The following KSR1 variants were observed in gnomAD, a reference collection of about 807,000 sequenced individuals.
KSR1 encodes kinase suppressor of ras.
A neutral mutation model predicts 92.9 loss-of-function variants in KSR1; 35 were observed. The observed-to-expected ratio is 0.38, with a 90% CI of 0.29 to 0.50. The LOEUF (loss-of-function observed/expected upper bound fraction) is 0.50, where lower values mean the gene tolerates loss of function less well. Among genes scored for constraint, KSR1 ranks in the 20% least tolerant of loss-of-function variants. The pLI, the probability that KSR1 is intolerant of heterozygous loss-of-function variation, is 0.94. For synonymous variants in KSR1, 467 were observed against 472.6 expected (o/e 0.99, Z 0.15); for missense variants, 972 against 1,158.5 (o/e 0.84, Z 2.34).
At chr17:27,545,045 A>G (rs1430670483) in intron 1 of KSR1, among the ~76,000 whole-genome samples, 2 of 152,222 alleles carry the variant, frequency 1.3e-5, no homozygotes, top group African/African-American at 2.4e-5. Flanking sequence ...CAGACCTGCC[A>G]GTAGCTGGGT....
intron 4 of KSR1, 49 bp from the exon 5 acceptor site, chr17:27,585,608 G>A (rs778410200): frequency 1.6e-5 from 12 of 743,348 alleles, no homozygotes; most frequent in African/African-American, 3.4e-5. Flanking sequence ...GGAACACGCC[G>A]AGCCAGCGTG....
At chr17:27,622,025 G>T in intron 20 of KSR1, 1 of 1,214,856 alleles carries the variant, frequency 8.2e-7, no homozygotes. Context: ...AATGAGATGC[G>T]GGCACTAACC....
chr17:27,563,820 G>A (rs1350840864), intron 2 of KSR1, among the ~76,000 whole-genome samples: 1 of 152,032 alleles, frequency 6.6e-6, no homozygotes, highest in Non-Finnish European at 1.5e-5. Context: ...CTCTGACCGG[G>A]ACTTAGAGGT....
rs2072837716 is a variant in KSR1 at position 27,583,115 on chromosome 17, CCTT to C, written c.980+13_980+15del. On this transcript the variant is annotated intron_variant, in intron 4 of 20. Transcript: ENST00000644974. ...ACGTCTCCTCGATGAGGTGAGTGCT[CCTT>C]CTGGGCAGCTACCAAAAGTGCCCTC... 6.7e-7 allele frequency: 1 copy of C among 1,503,706 alleles called. No individual in the cohort carries two copies. The highest frequency in any genetic ancestry group is 2.3e-5 in the Admixed American group (1 of 44,070). The allele number at this position is 1,503,706 out of a possible 1,614,324, so 93.1% of individuals were successfully genotyped here.
chr17:27,469,673 TAGA>T (rs1189877061), intron 1 of KSR1, among the ~76,000 whole-genome samples: 3 of 152,146 alleles, frequency 2.0e-5, no homozygotes, highest in Non-Finnish European at 4.4e-5. Context: ...GCCTGGTACT[TAGA>T]AGGAGTTCAG....
At chr17:27,493,708 C>A (rs899366900) in intron 1 of KSR1, among the ~76,000 whole-genome samples, 8 of 152,102 alleles carry the variant, frequency 5.3e-5, no homozygotes, top group African/African-American at 1.9e-4. Context: ...ATGAAAAAGC[C>A]CAGCCCTAAA....
intron 18 of KSR1, 142 bp from the exon 19 acceptor site, chr17:27,617,153 C>A: frequency 1.2e-6 from 1 of 844,564 alleles, no homozygotes; most frequent in Non-Finnish European, 1.7e-6. Flanking sequence ...CTTCTCACCC[C>A]TTCATGTCGG....
In KSR1 at chr17:27,526,851, G is replaced by GT. The variant is rs905798840; in HGVS notation, c.232-23716dup. ...TCCTCCGGGGGGAGGGGTGGAAGGAGTGCTCTGCAGGAAGTAGAGCTGCTC... is the reference window on the plus strand; with the variant it reads ...TCCTCCGGGGGGAGGGGTGGAAGGAGTTGCTCTGCAGGAAGTAGAGCTGCTC... On this transcript the variant is annotated intron_variant, in intron 1 of 20. Transcript: ENST00000644974. 1.4e-4 allele frequency: 99 copies of GT among 702,038 alleles called. No homozygotes were observed. In the African/African-American group the frequency reaches 1.6e-3, roughly 12 times the overall value. 43.5% of individuals were successfully genotyped at this position (702,038 alleles called of 1,614,324 possible).
At chr17:27,617,071 G>A (rs2074082649) in intron 18 of KSR1, among the ~76,000 whole-genome samples, 1 of 152,146 alleles carries the variant, frequency 6.6e-6, no homozygotes, top group Non-Finnish European at 1.5e-5. Context: ...GATCTAAGAA[G>A]GAAGGAGGTG....
Position 27,456,479 on chromosome 17 carries a change from T to C in KSR1, c.-165T>C, listed in dbSNP as rs2019162609. The C allele has an allele frequency of 5.4e-6, 2 of 371,794 alleles. No homozygotes were observed. The highest frequency in any genetic ancestry group is 9.4e-6 in the Non-Finnish European group (2 of 212,268). 23.0% of individuals were successfully genotyped at this position (371,794 alleles called of 1,614,324 possible). A position where few individuals can be genotyped will look rare whatever the true frequency, so the allele number is the denominator to read the frequency against. ...GCGGCTTTCGCTTTGCTGCCGCGGCTGGGAGGGTGGAAGCGGCAGACTCAG... is the reference window on the plus strand; with the variant it reads ...GCGGCTTTCGCTTTGCTGCCGCGGCCGGGAGGGTGGAAGCGGCAGACTCAG... On this transcript the variant is annotated 5_prime_UTR_variant, in exon 1 of 21. Transcript: ENST00000644974.
chr17:27,513,560 A>C (rs1337730909), intron 1 of KSR1, among the ~76,000 whole-genome samples: 1 of 152,198 alleles, frequency 6.6e-6, no homozygotes, highest in Admixed American at 6.5e-5. Flanking sequence ...TCTTCATATT[A>C]ACCTTGTAAG....
intron 2 of KSR1, among the ~76,000 whole-genome samples, chr17:27,568,387 C>A (rs766678731): frequency 1.3e-5 from 2 of 152,240 alleles, no homozygotes; most frequent in Non-Finnish European, 2.9e-5. Context: ...GCTTCTGGCC[C>A]CACAAGGGAC....
intron 1 of KSR1, among the ~76,000 whole-genome samples, chr17:27,465,783 T>C (rs796674683): frequency 1.3e-4 from 20 of 152,270 alleles, no homozygotes; most frequent in African/African-American, 4.3e-4. Flanking sequence ...TCCCAATTTA[T>C]CCAATTAATT....
intron 1 of KSR1, among the ~76,000 whole-genome samples, chr17:27,543,105 C>G (rs1363496757): frequency 1.3e-5 from 2 of 152,212 alleles, no homozygotes; most frequent in African/African-American, 4.8e-5. Flanking sequence ...CTGGCCTGTC[C>G]CTGTCCACAC....
intron 1 of KSR1, among the ~76,000 whole-genome samples, chr17:27,496,879 GTCC>G (rs1329452503): frequency 1.3e-5 from 2 of 152,216 alleles, no homozygotes; most frequent in East Asian, 3.9e-4. Context: ...GCCCTGCCGT[GTCC>G]TCCTCTGAGA....
intron 3 of KSR1, chr17:27,579,923 A>ATGG (rs2072681221): frequency 7.7e-6 from 1 of 129,786 alleles, no homozygotes. Context: ...TGAGTGAAGG[A>ATGG]TGGTTGTCTG....
intron 1 of KSR1, among the ~76,000 whole-genome samples, chr17:27,521,872 G>C (rs1401952870): frequency 2.6e-5 from 4 of 152,210 alleles, no homozygotes; most frequent in African/African-American, 9.6e-5. Flanking sequence ...TTATGATGTT[G>C]ATGATAAAAA....
rs371628581 is a variant in KSR1 at position 27,592,356 on chromosome 17, A to G, written c.1131-5A>G. 11 of 1,613,338 alleles carry G rather than the reference A, an allele frequency of 6.8e-6. No homozygotes were observed. Among genetic ancestry groups the G allele is most frequent in the Non-Finnish European group, 9.3e-6 (11 of 1,179,558 alleles). On this transcript the variant is annotated splice_region_variant and splice_polypyrimidine_tract_variant and intron_variant, in intron 7 of 20. Transcript: ENST00000644974. ...TTTGCACACCAACCTCCCCTTCTTT[A>G]CCAGGTTGAAGTGTCACAACAAATG...
intron 1 of KSR1, among the ~76,000 whole-genome samples, chr17:27,461,673 AC>A (rs1265387362): frequency 1.3e-5 from 2 of 152,142 alleles, no homozygotes; most frequent in Non-Finnish European, 2.9e-5. Context: ...CTGGAGGGAG[AC>A]CCGCAGTGGC....
Sources: gnomAD v4.1 joint callset for allele counts (sites outside exome capture counted in the v4.1 genomes callset) on GRCh38, gnomAD v4.1.1 for gene constraint, MANE v1.5 for transcripts, NCBI Gene and HGNC (gene_info 2026-07-23, HGNC 2026-07-21) for gene names.